The following RNF216 variants were observed in gnomAD, a reference collection of about 807,000 sequenced individuals.
RNF216 encodes the protein ring finger protein 216, also known as E3 ubiquitin-protein ligase RNF216.
In RNF216, 72 loss-of-function variants were observed where a neutral mutation model predicts 110.8. The ratio of observed to expected loss-of-function variants is 0.65; its 90% confidence interval spans 0.54 to 0.79. The LOEUF (loss-of-function observed/expected upper bound fraction) is 0.79, where lower values mean the gene tolerates loss of function less well. Ranked by LOEUF, RNF216 falls within the 30% of genes least tolerant of loss-of-function variation. The probability of loss-of-function intolerance (pLI) is 0.00; values close to 1 mark genes in which losing one functional copy is unlikely to be tolerated. For synonymous variants in RNF216, 495 were observed against 407.5 expected (o/e 1.21, Z -2.59); for missense variants, 1,342 against 1,141.2 (o/e 1.18, Z -2.54).
At chr7:5,672,982 C>G (rs999609466) in intron 13 of RNF216, among the ~76,000 whole-genome samples, 2 of 152,144 alleles carry the variant, frequency 1.3e-5, no homozygotes, top group African/African-American at 4.8e-5. Context: ...AGCTCAGGAT[C>G]TGCGGTTTAT....
intron 13 of RNF216, among the ~76,000 whole-genome samples, chr7:5,699,665 TTA>T (rs1195614682): frequency 1.3e-5 from 2 of 152,198 alleles, no homozygotes; most frequent in African/African-American, 4.8e-5. Flanking sequence ...GCACGAACTG[TTA>T]TTTAGTTTCA....
chr7:5,727,959 A>G (rs1793861028), intron 7 of RNF216, among the ~76,000 whole-genome samples: 1 of 151,840 alleles, frequency 6.6e-6, no homozygotes, highest in South Asian at 2.1e-4. Context: ...AAAAAATCCT[A>G]TCTACAGTCT....
At chr7:5,770,603 A>G (rs1203645623) in intron 1 of RNF216, among the ~76,000 whole-genome samples, 3 of 151,900 alleles carry the variant, frequency 2.0e-5, no homozygotes, top group South Asian at 2.1e-4. Context: ...AACCTTTATC[A>G]GGTTTTAAGA....
intron 13 of RNF216, among the ~76,000 whole-genome samples, chr7:5,688,716 C>A (rs1791139148): frequency 6.6e-6 from 1 of 152,128 alleles, no homozygotes; most frequent in African/African-American, 2.4e-5. Flanking sequence ...TACTTATTAT[C>A]AGGCTTGTCT....
chr7:5,690,771 C>T (rs557711358), intron 13 of RNF216, among the ~76,000 whole-genome samples: 3 of 152,304 alleles, frequency 2.0e-5, no homozygotes, highest in African/African-American at 7.2e-5. Flanking sequence ...ACAGCCCACA[C>T]TAGAGCTCAT....
intron 4 of RNF216, among the ~76,000 whole-genome samples, chr7:5,740,104 C>CTTTTTTTTTTTTT (rs71004698): frequency 1.6e-4 from 19 of 118,484 alleles, no homozygotes; most frequent in Non-Finnish European, 2.8e-4. Context: ...GATGTAACAC[C>CTTTTTTTTTTTTT]TTTTTTTTTT....
intron 13 of RNF216, among the ~76,000 whole-genome samples, chr7:5,671,209 G>A (rs371531838): frequency 6.6e-6 from 1 of 152,186 alleles, no homozygotes; most frequent in Non-Finnish European, 1.5e-5. Context: ...AAATCCTGAT[G>A]AACACAGAGG....
chr7:5,673,128 G>T, intron 13 of RNF216, among the ~76,000 whole-genome samples: 1 of 152,266 alleles, frequency 6.6e-6, no homozygotes, highest in African/African-American at 2.4e-5. Context: ...AGACCAATGT[G>T]TCCTCTACAA....
In RNF216 at chr7:5,708,087, G is replaced by A. The variant is rs117312341; in HGVS notation, c.2061+3674C>T. ...GCTGTTTGTGATTTCTAAGTGTATC[G>A]CCTTGTGGCTGGAAAAGATACTTGG... is the stretch of plus-strand genomic sequence containing the variant. On this transcript the variant is annotated intron_variant, in intron 13 of 16. Transcript: ENST00000389902. 3.3e-5 allele frequency among the ~76,000 whole-genome samples: 5 copies of A among 152,230 alleles called. No homozygotes were observed. In the South Asian group the frequency reaches 6.2e-4, roughly 19 times the overall value.
chr7:5,638,822 T>C (rs1215961335), intron 15 of RNF216, among the ~76,000 whole-genome samples: 1 of 151,968 alleles, frequency 6.6e-6, no homozygotes, highest in Admixed American at 6.6e-5. Context: ...TTTGTAAAGA[T>C]GGGGGTCTCA....
intron 14 of RNF216, among the ~76,000 whole-genome samples, chr7:5,651,457 C>T (rs1788383346): frequency 6.6e-6 from 1 of 151,986 alleles, no homozygotes; most frequent in African/African-American, 2.4e-5. Flanking sequence ...GTCTCAAATT[C>T]GTGAGCTCAA....
At chr7:5,674,803 C>A (rs1164106574) in intron 13 of RNF216, among the ~76,000 whole-genome samples, 5 of 152,028 alleles carry the variant, frequency 3.3e-5, no homozygotes, top group African/African-American at 4.8e-5. Flanking sequence ...CAAGACCAGC[C>A]TGACCAACAT....
chr7:5,651,802 C>T (rs368808928), intron 14 of RNF216, among the ~76,000 whole-genome samples: 3 of 152,278 alleles, frequency 2.0e-5, no homozygotes, highest in African/African-American at 2.4e-5. Flanking sequence ...GCAAGCGCCA[C>T]CATACCCAGC....
At chr7:5,660,942 G>GGTTTTGTTTTTT (rs1562799885) in intron 13 of RNF216, among the ~76,000 whole-genome samples, 13 of 120,986 alleles carry the variant, frequency 1.1e-4, no homozygotes, top group African/African-American at 4.7e-4. Flanking sequence ...TGAAGCCTTA[G>GGTTTTGTTTTTT]GTTTTTTTTT....
chr7:5,749,764 G>A (rs548534368), intron 3 of RNF216, among the ~76,000 whole-genome samples: 13 of 152,178 alleles, frequency 8.5e-5, no homozygotes, highest in East Asian at 7.7e-4. Context: ...TCGTACTATC[G>A]GACTAAATAT....
intron 5 of RNF216, among the ~76,000 whole-genome samples, chr7:5,736,275 G>C (rs1314916772): frequency 6.6e-6 from 1 of 152,106 alleles, no homozygotes; most frequent in Non-Finnish European, 1.5e-5. Context: ...GCGCCGCCAC[G>C]CCTGACTGGT....
At chr7:5,765,068 T>TAAAAAAAAAA (rs528737623) in intron 1 of RNF216, among the ~76,000 whole-genome samples, 1 of 128,504 alleles carries the variant, frequency 7.8e-6, no homozygotes, top group Non-Finnish European at 1.6e-5. Context: ...AAGACTCTCT[T>TAAAAAAAAAA]AAAAAAAAAA....
At chr7:5,698,709 G>A (rs1791783641) in intron 13 of RNF216, among the ~76,000 whole-genome samples, 1 of 152,080 alleles carries the variant, frequency 6.6e-6, no homozygotes, top group African/African-American at 2.4e-5. Context: ...ATTCTTCATA[G>A]GTAGTTTAAG....
At chr7:5,723,365 T>C (rs958722866) in intron 8 of RNF216, among the ~76,000 whole-genome samples, 22 of 152,180 alleles carry the variant, frequency 1.4e-4, no homozygotes, top group South Asian at 6.2e-4. Context: ...ATAAATGCAA[T>C]TGGCCGGGTG....
Sources: gnomAD v4.1 joint callset for allele counts (sites outside exome capture counted in the v4.1 genomes callset) on GRCh38, gnomAD v4.1.1 for gene constraint, MANE v1.5 for transcripts, NCBI Gene and HGNC (gene_info 2026-07-23, HGNC 2026-07-21) for gene names.